Variants in SLC9A6 observed in about 807,000 individuals in gnomAD.
SLC9A6 encodes sodium/hydrogen exchanger 6.
In SLC9A6, 6 loss-of-function variants were observed where a neutral mutation model predicts 45.3. The ratio of observed to expected loss-of-function variants is 0.13; its 90% CI spans 0.07 to 0.26. SLC9A6 has a LOEUF of 0.26. Ranked by LOEUF, SLC9A6 falls within the 10% of genes least tolerant of loss-of-function variation. The pLI, the probability that SLC9A6 is intolerant of heterozygous loss-of-function variation, is 1.00. For missense variants in SLC9A6, 278 were observed against 503.7 expected (o/e 0.55, Z 4.29); for synonymous variants, 191 against 187.7 (o/e 1.02, Z -0.14).
rs370174471 is a variant in SLC9A6 at position 136,030,678 on chromosome X, G to A, written c.1581+516G>A. ...TACCTTGCCCCTCAGCCTTGGCCAC[G>A]TTTCCTTGCTTCCTTCCTTCTGTTG... On this transcript the variant is annotated intron_variant, in intron 15 of 17. Transcript: ENST00000630721. Among the ~76,000 whole-genome samples, 11 of 111,599 alleles carry A rather than the reference G, an allele frequency of 9.9e-5. No homozygotes were observed. The East Asian group carries it at 2.5e-3, about 26-fold the overall frequency.
chrX:135,998,240 G>C (rs1556616857), intron 4 of SLC9A6, 55 bp downstream of exon 4: 2 of 763,572 alleles, frequency 2.6e-6, no homozygotes, highest in African/African-American at 4.1e-5. Flanking sequence ...AGTGGGCTTT[G>C]TAATATTTGA....
At chrX:136,015,305 A>C (rs2070999192) in intron 10 of SLC9A6, among the ~76,000 whole-genome samples, 1 of 112,594 alleles carries the variant, frequency 8.9e-6, no homozygotes, top group Non-Finnish European at 1.9e-5. Context: ...CTTCACTGGC[A>C]GAGTGAAGTA....
At position 135,985,509 on chromosome X, in the gene SLC9A6, C is replaced by T. The variant is rs1556614701; in HGVS notation, c.-57+32C>T. On this transcript the variant is annotated intron_variant, in intron 1 of 17. Coordinates refer to ENST00000630721, the MANE Select transcript of SLC9A6 (RefSeq NM_001379110.1). ...GCGGGAGGCGGGGGGAGACATGGCT[C>T]GGCGCGGCTGGCGGCGGGCACCCCT... 2.7e-6 allele frequency: 3 copies of T among 1,104,778 alleles called. No homozygotes were observed. The highest frequency in any genetic ancestry group is 3.5e-6 in the Non-Finnish European group (3 of 847,541). The allele number at this position is 1,104,778 out of a possible 1,213,427, so 91.0% of individuals were successfully genotyped here.
intron 17 of SLC9A6, among the ~76,000 whole-genome samples, chrX:136,043,472 G>A (rs2071547576): frequency 9.0e-6 from 1 of 111,413 alleles, no homozygotes; most frequent in Non-Finnish European, 1.9e-5. Flanking sequence ...CAGTCTATTT[G>A]ATGGTCTTAG....
chrX:136,016,933 AATTTGTGGTTATTGCACAAAT>A, intron 11 of SLC9A6, among the ~76,000 whole-genome samples, 175 bp downstream of exon 11: 1 of 111,789 alleles, frequency 8.9e-6, no homozygotes, highest in East Asian at 2.8e-4. Flanking sequence ...ATTCTATTTC[AATTTGTGGTTATTGCACAAAT>A]AATGTTGACA....
In SLC9A6 at chrX:136,044,814, T is replaced by C. The variant is rs2071572591; in HGVS notation, c.*90T>C. On this transcript the variant is annotated 3_prime_UTR_variant, in exon 18 of 18. Coordinates refer to ENST00000630721, the MANE Select transcript of SLC9A6 (RefSeq NM_001379110.1). ...ACCTAAAAGTCCCAGTGCATGTCTC[T>C]GAATGTGTAAGCTATATAAATGCTA... is the stretch of plus-strand genomic sequence containing the variant. 1 of 809,326 alleles carries C rather than the reference T, an allele frequency of 1.2e-6. No homozygotes were observed. Among genetic ancestry groups the C allele is most frequent in the Middle Eastern group, 2.9e-4 (1 of 3,445 alleles). 66.7% of individuals were successfully genotyped at this position (809,326 alleles called of 1,213,427 possible).
upstream of SLC9A6, among the ~76,000 whole-genome samples, chrX:135,982,692 T>C (rs897949289): frequency 1.8e-5 from 2 of 111,584 alleles, no homozygotes; most frequent in Non-Finnish European, 3.8e-5. Context: ...CAGGCTGGTC[T>C]TGAACTCCTG....
chrX:135,996,921 C>T (rs1219321783), intron 3 of SLC9A6, among the ~76,000 whole-genome samples: 5 of 109,848 alleles, frequency 4.6e-5, no homozygotes, highest in Non-Finnish European at 9.5e-5. Context: ...CGCCCGCCAC[C>T]ACGCCCGGCT....
chrX:136,010,168 G>C (rs3884589), intron 7 of SLC9A6: 8,267 of 368,376 alleles, frequency 0.022, 176 homozygotes, highest in East Asian at 0.067. Flanking sequence ...ACAGTATCTT[G>C]GGGATGGGGG....
intron 8 of SLC9A6, among the ~76,000 whole-genome samples, chrX:136,011,545 A>G (rs2070922038): frequency 9.0e-6 from 1 of 111,087 alleles, no homozygotes; most frequent in African/African-American, 3.3e-5. Context: ...CCCGGCCTAA[A>G]AACATGTTTT....
chrX:135,995,357 T>G (rs1460755472), intron 3 of SLC9A6, among the ~76,000 whole-genome samples: 1 of 111,671 alleles, frequency 9.0e-6, no homozygotes, highest in African/African-American at 3.3e-5. Flanking sequence ...GGAGTCTCAC[T>G]CTGTCACCCA....
Position 136,044,401 on chromosome X carries a change from T to C in SLC9A6, c.1768-51T>C, listed in dbSNP as rs377431533. 4.6e-4 allele frequency: 501 copies of C among 1,087,904 alleles called. No homozygotes were observed. The African/African-American group carries it at 7.5e-3, about 16-fold the overall frequency. The allele number at this position is 1,087,904 out of a possible 1,213,427, so 89.7% of individuals were successfully genotyped here. On this transcript the variant is annotated intron_variant, in intron 17 of 17. Transcript: ENST00000630721. Reference sequence around the variant, plus strand: ...TCCTCGAAAATACTCCTATTGGAAATGTCTCTTGAACTTCTCAAAAATTCT... The same window carrying C: ...TCCTCGAAAATACTCCTATTGGAAACGTCTCTTGAACTTCTCAAAAATTCT...
intron 2 of SLC9A6, among the ~76,000 whole-genome samples, chrX:135,988,290 C>T (rs1449443884): frequency 9.0e-6 from 1 of 111,709 alleles, no homozygotes. Flanking sequence ...CTGGAGTTGA[C>T]TTGGCGTTCT....
At chrX:136,029,724 G>A (rs191882754) in intron 14 of SLC9A6, 57 of 168,193 alleles carry the variant, frequency 3.4e-4, no homozygotes, top group Middle Eastern at 2.4e-3. Context: ...TTCAGTCATC[G>A]TAACAGAATG....
At chrX:136,021,960 A>T (rs991803949) in intron 11 of SLC9A6, among the ~76,000 whole-genome samples, 1 of 112,390 alleles carries the variant, frequency 8.9e-6, no homozygotes, top group Non-Finnish European at 1.9e-5. Flanking sequence ...GGAGAAAAAG[A>T]TACTAAAATT....
At chrX:135,984,410 T>C (rs2089303848), upstream of SLC9A6, among the ~76,000 whole-genome samples, 1 of 111,806 alleles carries the variant, frequency 8.9e-6, no homozygotes, top group Non-Finnish European at 1.9e-5. Context: ...GGCCTGAAGT[T>C]GGGGCAGCAG....
upstream of SLC9A6, among the ~76,000 whole-genome samples, chrX:135,982,752 G>T (rs1181211102): frequency 4.4e-5 from 5 of 112,449 alleles, no homozygotes; most frequent in Non-Finnish European, 9.4e-5. Flanking sequence ...GAGATCAAAG[G>T]CGTAAGCCAC....
chrX:136,000,093 A>AG (rs1556617165), intron 6 of SLC9A6, among the ~76,000 whole-genome samples: 1 of 108,004 alleles, frequency 9.3e-6, no homozygotes, highest in East Asian at 2.9e-4. Context: ...ACAAAAAAAA[A>AG]GAAAAAAAAT....
rs782437223 is a variant in SLC9A6, at chrX:136,020,122, T to C, written c.1195-2464T>C. On this transcript the variant is annotated intron_variant, in intron 11 of 17. Coordinates refer to ENST00000630721, the MANE Select transcript of SLC9A6 (RefSeq NM_001379110.1). ...GTTGACGATAGTCTTAATCACTTGGTTGAGATAGTGTTTGTCAGATTTATC... is the reference window on the plus strand; with the variant it reads ...GTTGACGATAGTCTTAATCACTTGGCTGAGATAGTGTTTGTCAGATTTATC... Among the ~76,000 whole-genome samples, 38 of 111,496 alleles carry C rather than the reference T, an allele frequency of 3.4e-4. No individual in the cohort carries two copies. In the Middle Eastern group the frequency reaches 0.014, roughly 41 times the overall value.
Sources: allele counts gnomAD v4.1 joint callset (sites outside exome capture counted in the v4.1 genomes callset), GRCh38; gene constraint gnomAD v4.1.1; transcripts MANE v1.5; gene names NCBI Gene and HGNC (gene_info 2026-07-23, HGNC 2026-07-21).